The following SMAD2 variants were observed in gnomAD, a reference collection of about 807,000 sequenced individuals.
The protein encoded by SMAD2 is MAD homolog 2.
A neutral mutation model predicts 64.4 loss-of-function variants in SMAD2; 8 were observed. The observed-to-expected ratio is 0.12, with a 90% CI of 0.07 to 0.22. SMAD2 has a LOEUF of 0.22. Among genes scored for constraint, SMAD2 ranks in the 10% least tolerant of loss-of-function variants. The probability of loss-of-function intolerance (pLI) is 1.00; values close to 1 mark genes in which losing one functional copy is unlikely to be tolerated. For missense variants in SMAD2, 289 were observed against 561.2 expected, an observed-to-expected ratio of 0.51 and a Z score of 4.90; for synonymous variants, 203 against 195.8, an observed-to-expected ratio of 1.04 and a Z score of -0.31.
At chr18:47,857,841 T>C (rs2030849493) in intron 6 of SMAD2, among the ~76,000 whole-genome samples, 1 of 152,200 alleles carries the variant, frequency 6.6e-6, no homozygotes, top group African/African-American at 2.4e-5. Context: ...GCTGAGTACA[T>C]GTTAGCATAG....
chr18:47,926,513 C>T (rs918959477), intron 1 of SMAD2, among the ~76,000 whole-genome samples: 1 of 152,122 alleles, frequency 6.6e-6, no homozygotes. Context: ...CTCCCCAGCC[C>T]CCACCACACC....
intron 6 of SMAD2, among the ~76,000 whole-genome samples, chr18:47,852,462 T>A (rs1033491865): frequency 2.0e-5 from 3 of 152,170 alleles, no homozygotes; most frequent in African/African-American, 4.8e-5. Context: ...GATTTTTGCA[T>A]CAATAGTCTC....
intron 1 of SMAD2, among the ~76,000 whole-genome samples, chr18:47,929,214 A>G (rs1415521571): frequency 1.3e-5 from 2 of 152,214 alleles, no homozygotes; most frequent in Non-Finnish European, 2.9e-5. Context: ...CCATTTAACT[A>G]TTTGACTAAC....
chr18:47,850,249 T>TTAC (rs1915043837), intron 7 of SMAD2, among the ~76,000 whole-genome samples: 2 of 78,724 alleles, frequency 2.5e-5, no homozygotes, highest in African/African-American at 1.2e-4. Flanking sequence ...TTATATATTA[T>TTAC]ATATATTATG....
chr18:47,829,706 C>T lies in SMAD2; in HGVS notation c.*12121G>A, dbSNP rs981018291. ...GACACTTTGGCAAATAAAAACTGCA[C>T]CGTATGACATGTCACATAGAAATTG... On this transcript the variant is annotated 3_prime_UTR_variant, in exon 11 of 11. Transcript: ENST00000262160. 1.3e-5 allele frequency: 2 copies of T among 152,134 alleles called. No homozygotes were observed. The allele number at this position is 152,134 out of a possible 1,614,324, so 9.4% of individuals were successfully genotyped here. A position where few individuals can be genotyped will look rare whatever the true frequency, so the allele number is the denominator to read the frequency against.
At position 47,816,385 on chromosome 18, in the gene SMAD2, A is replaced by G. The variant is rs1038183300; in HGVS notation, c.*25442T>C. 2.0e-5 allele frequency: 3 copies of G among 152,236 alleles called. No homozygotes were observed. The highest frequency in any genetic ancestry group is 2.9e-5 in the Non-Finnish European group (2 of 68,040). The allele number at this position is 152,236 out of a possible 1,614,324, so 9.4% of individuals were successfully genotyped here. ...GGATAATACACTTATAAATTGGAAA[A>G]TGAGAAAAGATAGTCTGGTATAACT... On this transcript the variant is annotated 3_prime_UTR_variant, in exon 11 of 11. Transcript: ENST00000262160.
At chr18:47,845,615 A>G (rs1372095149) in intron 9 of SMAD2, 48 bp downstream of exon 9, 3 of 1,609,066 alleles carry the variant, frequency 1.9e-6, no homozygotes, top group Non-Finnish European at 2.6e-6. Flanking sequence ...AACAAGAAAA[A>G]CTAAGCAAGT....
intron 1 of SMAD2, among the ~76,000 whole-genome samples, chr18:47,927,085 C>T (rs1026460232): frequency 3.9e-5 from 6 of 152,176 alleles, no homozygotes; most frequent in African/African-American, 1.4e-4. Flanking sequence ...TTACACTATT[C>T]CCGATCCTTT....
rs1912329329 is a variant in SMAD2 at position 47,815,238 on chromosome 18, A to G, written c.*26589T>C. 6.6e-6 allele frequency: 1 copy of G among 152,102 alleles called. No homozygotes were observed. The allele number at this position is 152,102 out of a possible 1,614,324, so 9.4% of individuals were successfully genotyped here. On this transcript the variant is annotated 3_prime_UTR_variant, in exon 11 of 11. Transcript: ENST00000262160. ...AAGAGAACGTTATCTTTGATTGGCAAGTTTAAGGCCATCCACCTCGTCCCA... is the reference window on the plus strand; with the variant it reads ...AAGAGAACGTTATCTTTGATTGGCAGGTTTAAGGCCATCCACCTCGTCCCA...
Position 47,814,638 on chromosome 18 carries a change from C to G in SMAD2, c.*27189G>C, listed in dbSNP as rs1445508155. 6.6e-6 allele frequency: 1 copy of G among 152,194 alleles called. No homozygotes were observed. Among genetic ancestry groups the G allele is most frequent in the Non-Finnish European group, 1.5e-5 (1 of 68,044 alleles). The allele number at this position is 152,194 out of a possible 1,614,324, so 9.4% of individuals were successfully genotyped here. On this transcript the variant is annotated 3_prime_UTR_variant, in exon 11 of 11. Coordinates refer to ENST00000262160, the MANE Select transcript of SMAD2 (RefSeq NM_005901.6). ...GCAGCAGGGTTAGTCAACTACTTTC[C>G]TGGCATAGCCTGGGGAAGACTGCAA...
intron 2 of SMAD2, among the ~76,000 whole-genome samples, chr18:47,883,259 TG>T (rs1320190442): frequency 2.6e-5 from 4 of 152,240 alleles, no homozygotes; most frequent in South Asian, 2.1e-4. Context: ...ATTTTTCCCC[TG>T]AATAACCCAT....
Position 47,812,914 on chromosome 18 carries a change from T to A in SMAD2, c.*28913A>T, listed in dbSNP as rs1020060578. 6.6e-6 allele frequency: 1 copy of A among 152,116 alleles called. No individual in the cohort carries two copies. Among genetic ancestry groups the A allele is most frequent in the East Asian group, 1.9e-4 (1 of 5,170 alleles). The allele number at this position is 152,116 out of a possible 1,614,324, so 9.4% of individuals were successfully genotyped here. ...GTTAAGGAAGACTCTGCAGAGAGGA[T>A]GGAATTTAAACTGGGTTCTGGCCAG... is the stretch of plus-strand genomic sequence containing the variant. On this transcript the variant is annotated 3_prime_UTR_variant, in exon 11 of 11. Transcript: ENST00000262160.
intron 1 of SMAD2, among the ~76,000 whole-genome samples, chr18:47,924,046 C>A (rs183537325): frequency 6.6e-6 from 1 of 151,964 alleles, no homozygotes; most frequent in Admixed American, 6.6e-5. Context: ...GTCAGGAGTT[C>A]GAGACCAGCC....
At position 47,851,321 on chromosome 18, in the gene SMAD2, G is replaced by T. The variant is rs781385587; in HGVS notation, c.737C>A (p.Pro246Gln). 2 of 1,607,008 alleles carry T rather than the reference G, an allele frequency of 1.2e-6. No homozygotes were observed. The highest frequency in any genetic ancestry group is 1.7e-6 in the Non-Finnish European group (2 of 1,174,096). ...QLNQSMDTGSPAELSPTTLSP... is the reference protein window; with the variant it reads ...QLNQSMDTGSQAELSPTTLSP... ...AAGAGTAGTAGGAGATAGTTCTGCTGGAGAGCCTAAAACAAAAGGATTTAA... is the reference window on the plus strand; with the variant it reads ...AAGAGTAGTAGGAGATAGTTCTGCTTGAGAGCCTAAAACAAAAGGATTTAA... Residue 246 changes from proline (P) to glutamine (Q), a missense_variant, in exon 7 of 11, where the codon CCA (proline) becomes CAA (glutamine). Physicochemically the swap from Pro to Gln is moderately conservative, Grantham distance 76. Transcript: ENST00000262160.
chr18:47,910,276 C>A (rs767433888), intron 1 of SMAD2, among the ~76,000 whole-genome samples: 5 of 151,682 alleles, frequency 3.3e-5, no homozygotes, highest in Non-Finnish European at 7.4e-5. Flanking sequence ...TAACAGAAGA[C>A]GACGTAACAG....
At chr18:47,858,179 AAG>A (rs2030880992) in intron 6 of SMAD2, among the ~76,000 whole-genome samples, 1 of 152,238 alleles carries the variant, frequency 6.6e-6, no homozygotes, top group African/African-American at 2.4e-5. Context: ...CCCCATAATC[AAG>A]AGATAAAACA....
Position 47,836,984 on chromosome 18 carries a change from T to G in SMAD2, c.*4843A>C. 4.7e-6 allele frequency: 1 copy of G among 212,644 alleles called. No individual in the cohort carries two copies. Among genetic ancestry groups the G allele is most frequent in the Non-Finnish European group, 9.5e-6 (1 of 104,864 alleles). The allele number at this position is 212,644 out of a possible 1,614,324, so 13.2% of individuals were successfully genotyped here. A position where few individuals can be genotyped will look rare whatever the true frequency, so the allele number is the denominator to read the frequency against. On this transcript the variant is annotated 3_prime_UTR_variant, in exon 11 of 11. Transcript: ENST00000262160. ...CACACTATCATTATTCTGACTGTCT[T>G]AAATACAACAATCCAATATGCCCCA... is the stretch of plus-strand genomic sequence containing the variant.
In SMAD2 at chr18:47,834,489, G is replaced by C. The variant is rs562651074; in HGVS notation, c.*7338C>G. 38 of 203,852 alleles carry C rather than the reference G, an allele frequency of 1.9e-4. No homozygotes were observed. In the Middle Eastern group the frequency reaches 6.3e-3, roughly 34 times the overall value. The allele number at this position is 203,852 out of a possible 1,614,324, so 12.6% of individuals were successfully genotyped here. On this transcript the variant is annotated 3_prime_UTR_variant, in exon 11 of 11. Transcript: ENST00000262160. Reference sequence around the variant, plus strand: ...ACTTTAGGGCAGCTGGTCACCCTGAGAACACTACCCACTCGTTCCTTAATA... The same window carrying C: ...ACTTTAGGGCAGCTGGTCACCCTGACAACACTACCCACTCGTTCCTTAATA...
intron 2 of SMAD2, among the ~76,000 whole-genome samples, chr18:47,892,389 C>T (rs547468059): frequency 6.6e-5 from 10 of 151,968 alleles, no homozygotes; most frequent in African/African-American, 2.4e-5. Flanking sequence ...CAGTAGAGAC[C>T]GGGTTTCACT....
Sources: allele counts gnomAD v4.1 joint callset (sites outside exome capture counted in the v4.1 genomes callset), GRCh38; gene constraint gnomAD v4.1.1; transcripts MANE v1.5; gene names NCBI Gene and HGNC (gene_info 2026-07-23, HGNC 2026-07-21).